Variants in F13B observed in about 807,000 individuals in gnomAD.
F13B encodes coagulation factor XIII B chain.
In F13B, 58 loss-of-function variants were observed where a neutral mutation model predicts 79.8. The observed-to-expected ratio is 0.73, with a 90% CI of 0.59 to 0.90. The LOEUF is 0.90. F13B is among the 40% of genes least tolerant of loss of function. The pLI is 0.00. For synonymous variants in F13B, 283 were observed against 260.3 expected (o/e 1.09, Z -0.84); for missense variants, 773 against 777.0 (o/e 0.99, Z 0.06).
intron 7 of F13B, among the ~76,000 whole-genome samples, chr1:197,056,778 G>A (rs114298257): frequency 2.6e-5 from 4 of 152,144 alleles, no homozygotes; most frequent in Non-Finnish European, 5.9e-5. Context: ...TAGCACTAGC[G>A]TTCAAAAAAA....
rs1246452307 is a variant in F13B at position 197,067,144 on chromosome 1, T to C, written c.64+16A>G. The C allele has an allele frequency of 5.4e-6, 8 of 1,489,104 alleles. No individual in the cohort carries two copies. Among genetic ancestry groups the C allele is most frequent in the Non-Finnish European group, 7.5e-6 (8 of 1,069,594 alleles). 92.2% of individuals were successfully genotyped at this position (1,489,104 alleles called of 1,614,324 possible). On this transcript the variant is annotated intron_variant, in intron 1 of 11. Coordinates refer to ENST00000367412, the MANE Select transcript of F13B (RefSeq NM_001994.3). ...GTATGTTTTAGAGAATAAAGAATAT[T>C]AAGAATTAATTTTACCTTCTGCATA...
At chr1:197,061,484 C>T (rs1655861452) in intron 3 of F13B, among the ~76,000 whole-genome samples, 1 of 151,932 alleles carries the variant, frequency 6.6e-6, no homozygotes, top group Non-Finnish European at 1.5e-5. Flanking sequence ...ATCTTAAATT[C>T]TTCTGTAATA....
intron 1 of F13B, among the ~76,000 whole-genome samples, chr1:197,065,991 CTTA>C (rs1553322936): frequency 1.1e-5 from 1 of 88,500 alleles, no homozygotes; most frequent in South Asian, 5.3e-4. Context: ...CTTCAAGCAG[CTTA>C]CTTTTTTTTT....
Position 197,060,502 on chromosome 1 carries a change from A to G in F13B, c.669T>C (p.Tyr223=). ...CATAGGTTTGCTTTACAGGATGAAA[A>G]TAACCATTTTCAATTAATCTTAAAG... is the stretch of plus-strand genomic sequence containing the variant. ...CSSLRLIENG[Y]FHPVKQTYEE... The change falls in exon 5 of 12, where the codon TAT becomes TAC. Residue 223 remains tyrosine (Y), a synonymous_variant. Coordinates refer to ENST00000367412, the MANE Select transcript of F13B (RefSeq NM_001994.3). 2.5e-6 allele frequency: 4 copies of G among 1,602,932 alleles called. No homozygotes were observed. Among genetic ancestry groups the G allele is most frequent in the Non-Finnish European group, 3.4e-6 (4 of 1,174,214 alleles).
At chr1:197,044,574 C>G (rs926970344) in intron 10 of F13B, among the ~76,000 whole-genome samples, 3 of 152,018 alleles carry the variant, frequency 2.0e-5, no homozygotes, top group Non-Finnish European at 4.4e-5. Context: ...CTTTAACACC[C>G]CACTGTCAAT....
At chr1:197,057,250 T>A (rs939105097) in intron 6 of F13B, 36 bp downstream of exon 6, 3 of 1,613,790 alleles carry the variant, frequency 1.9e-6, no homozygotes, top group South Asian at 1.1e-5. Context: ...ACATGCAGAT[T>A]TCATTTTAGC....
At chr1:197,065,033 A>G (rs560037498) in intron 1 of F13B, among the ~76,000 whole-genome samples, 29 of 152,356 alleles carry the variant, frequency 1.9e-4, no homozygotes, top group Non-Finnish European at 2.9e-4. Flanking sequence ...TGGAGCAGAC[A>G]GAAAAACATG....
At chr1:197,065,833 A>G (rs1488712013) in intron 1 of F13B, among the ~76,000 whole-genome samples, 1 of 152,146 alleles carries the variant, frequency 6.6e-6, no homozygotes, top group Non-Finnish European at 1.5e-5. Context: ...AGGGGATAAA[A>G]TGTGTAAGTA....
intron 1 of F13B, among the ~76,000 whole-genome samples, chr1:197,065,700 A>G (rs1219437199): frequency 6.6e-6 from 1 of 152,200 alleles, no homozygotes; most frequent in East Asian, 1.9e-4. Context: ...ACATTCTTAC[A>G]GAAAGATAAG....
At chr1:197,057,873 A>T (rs141176433) in intron 5 of F13B, among the ~76,000 whole-genome samples, 4 of 152,318 alleles carry the variant, frequency 2.6e-5, no homozygotes, top group Non-Finnish European at 5.9e-5. Flanking sequence ...CACAAGAAAC[A>T]GAGGCTCTCA....
In F13B at chr1:197,055,797, T is replaced by TC. The variant is rs1655620376; in HGVS notation, c.1271dup (p.Cys425MetfsTer3). On this transcript the variant is annotated frameshift_variant, in exon 8 of 12. Coordinates refer to ENST00000367412, the MANE Select transcript of F13B (RefSeq NM_001994.3). LOFTEE classifies it high-confidence loss of function. Reference sequence around the variant, plus strand: ...CCCTCAGTAAGTAATATTCATTGCATCTATATTCCACTGAGGATCCTGTTG... The same window carrying TC: ...CCCTCAGTAAGTAATATTCATTGCATCCTATATTCCACTGAGGATCCTGTTG... 6.2e-7 allele frequency: 1 copy of TC among 1,613,518 alleles called. No homozygotes were observed. The highest frequency in any genetic ancestry group is 1.3e-5 in the African/African-American group (1 of 74,872).
intron 8 of F13B, 152 bp downstream of exon 8, chr1:197,055,563 T>C (rs1655610514): frequency 1.3e-6 from 1 of 779,944 alleles, no homozygotes; most frequent in Non-Finnish European, 2.1e-6. Context: ...AAAAATACAC[T>C]AATATTTTAG....
chr1:197,049,351 A>G (rs1301864449), intron 10 of F13B, among the ~76,000 whole-genome samples: 1 of 152,062 alleles, frequency 6.6e-6, no homozygotes, highest in African/African-American at 2.4e-5. Flanking sequence ...AATAAAATGT[A>G]TAGACCCTTA....
intron 9 of F13B, among the ~76,000 whole-genome samples, chr1:197,052,182 A>G (rs768663683): frequency 6.6e-6 from 1 of 152,128 alleles, no homozygotes. Flanking sequence ...TCTTTAATCC[A>G]TCTTGAGTTA....
Position 197,060,917 on chromosome 1 carries a change from G to C in F13B, c.610C>G (p.Leu204Val), listed in dbSNP as rs1388142658. 6.2e-7 allele frequency: 1 copy of C among 1,613,074 alleles called. No homozygotes were observed. The highest frequency in any genetic ancestry group is 1.1e-5 in the South Asian group (1 of 91,052). The part of the protein sequence containing the change: ...EVECLTYGWS[L>V]TPKCTKLKCS... ...AACCTACTGGTACATTTTGGTGTGA[G>C]AGACCATCCGTATGTGAGACATTCT... The change falls in exon 4 of 12, where the codon CTC becomes GTC. Residue 204 changes from leucine (L) to valine (V), a missense_variant. By Grantham distance (32) the Leu-to-Val change is conservative (BLOSUM62 1). Transcript: ENST00000367412.
intron 11 of F13B, among the ~76,000 whole-genome samples, chr1:197,039,797 C>T (rs557595844): frequency 6.6e-6 from 1 of 152,090 alleles, no homozygotes; most frequent in African/African-American, 2.4e-5. Flanking sequence ...GTCAAAGCAT[C>T]TAAAAAACTG....
At chr1:197,063,396 C>T (rs970558063) in intron 1 of F13B, among the ~76,000 whole-genome samples, 1 of 152,098 alleles carries the variant, frequency 6.6e-6, no homozygotes, top group Non-Finnish European at 1.5e-5. Context: ...TGAAATATAG[C>T]TCACTGCCAC....
At chr1:197,065,915 T>C (rs895294578) in intron 1 of F13B, among the ~76,000 whole-genome samples, 6 of 152,116 alleles carry the variant, frequency 3.9e-5, no homozygotes, top group Non-Finnish European at 7.4e-5. Flanking sequence ...ATTAATTCAA[T>C]TCTTGTCCCT....
At chr1:197,055,126 A>T (rs1204015024) in intron 8 of F13B, among the ~76,000 whole-genome samples, 1 of 152,022 alleles carries the variant, frequency 6.6e-6, no homozygotes, top group Non-Finnish European at 1.5e-5. Flanking sequence ...ATACCTCTGC[A>T]TCATATCATA....
Sources: gnomAD v4.1 joint callset for allele counts (sites outside exome capture counted in the v4.1 genomes callset) on GRCh38, gnomAD v4.1.1 for gene constraint, MANE v1.5 for transcripts, NCBI Gene and HGNC (gene_info 2026-07-23, HGNC 2026-07-21) for gene names.